AGBL4: variants seen among roughly 807,000 people sequenced by gnomAD.
The protein encoded by AGBL4 is cytosolic carboxypeptidase 6.
A neutral mutation model predicts 66.4 loss-of-function variants in AGBL4; 58 were observed. The observed-to-expected ratio is 0.87, with a 90% CI of 0.71 to 1.09. The LOEUF is 1.09. Among genes scored for constraint, AGBL4 ranks in the 50% least tolerant of loss-of-function variants. The probability of loss-of-function intolerance (pLI) is 0.00; values close to 1 mark genes in which losing one functional copy is unlikely to be tolerated. For synonymous variants in AGBL4, 234 were observed against 222.9 expected (o/e 1.05, Z -0.44); for missense variants, 579 against 631.0 (o/e 0.92, Z 0.88).
At chr1:48,577,934 A>G (rs1333056561) in intron 11 of AGBL4, among the ~76,000 whole-genome samples, 1 of 152,220 alleles carries the variant, frequency 6.6e-6, no homozygotes, top group Non-Finnish European at 1.5e-5. Context: ...CCTAACAGGC[A>G]GAGTGGAGCG....
At chr1:49,716,545 C>G (rs1000374475) in intron 2 of AGBL4, among the ~76,000 whole-genome samples, 1 of 151,756 alleles carries the variant, frequency 6.6e-6, no homozygotes, top group Admixed American at 6.6e-5. Context: ...ACTGGAAAAC[C>G]AAATCCACAA....
At chr1:49,775,612 T>C (rs1644175253) in intron 2 of AGBL4, among the ~76,000 whole-genome samples, 1 of 152,100 alleles carries the variant, frequency 6.6e-6, no homozygotes, top group Non-Finnish European at 1.5e-5. Flanking sequence ...TTATTTTGCC[T>C]TAAATTATAA....
intron 6 of AGBL4, among the ~76,000 whole-genome samples, chr1:48,710,017 C>T (rs556956220): frequency 1.3e-5 from 2 of 152,288 alleles, no homozygotes; most frequent in East Asian, 3.9e-4. Context: ...ACCAGAGGCA[C>T]AGAGAGATTA....
At position 48,847,580 on chromosome 1, in the gene AGBL4, G is replaced by A. The variant is rs150091464; in HGVS notation, c.634+19611C>T. 7.3e-3 allele frequency among the ~76,000 whole-genome samples: 1,116 copies of A among 152,170 alleles called. 14 individuals are homozygous for A. The highest frequency in any genetic ancestry group is 0.025 in the African/African-American group (1,020 of 41,506). Reference sequence around the variant, plus strand: ...GCAACTAGGATTTAGACAATAAAACGTATAGTACCTAGCAGAGTAAAGTAC... The same window carrying A: ...GCAACTAGGATTTAGACAATAAAACATATAGTACCTAGCAGAGTAAAGTAC... On this transcript the variant is annotated intron_variant, in intron 6 of 13. Coordinates refer to ENST00000371839, the MANE Select transcript of AGBL4 (RefSeq NM_032785.4).
chr1:49,395,810 TGTATAC>T (rs1225173667), intron 3 of AGBL4, among the ~76,000 whole-genome samples: 3 of 125,510 alleles, frequency 2.4e-5, no homozygotes, highest in Non-Finnish European at 4.9e-5. Context: ...CATATATATA[TGTATAC>T]ATATATATAT....
At chr1:49,643,161 G>T (rs958561624) in intron 3 of AGBL4, among the ~76,000 whole-genome samples, 2 of 151,850 alleles carry the variant, frequency 1.3e-5, no homozygotes, top group Non-Finnish European at 2.9e-5. Flanking sequence ...AAATTACAAT[G>T]CCTGAGATAA....
At chr1:49,560,089 C>T (rs537789803) in intron 3 of AGBL4, among the ~76,000 whole-genome samples, 1 of 152,202 alleles carries the variant, frequency 6.6e-6, no homozygotes, top group Admixed American at 6.5e-5. Flanking sequence ...CATCTACCAG[C>T]ATCAGCACCA....
chr1:48,800,174 A>T (rs1197409536), intron 6 of AGBL4, among the ~76,000 whole-genome samples: 1 of 151,940 alleles, frequency 6.6e-6, no homozygotes, highest in African/African-American at 2.4e-5. Flanking sequence ...TTTCAATCTC[A>T]CCATTTGTTA....
chr1:49,957,291 T>C (rs1205787282), intron 1 of AGBL4, among the ~76,000 whole-genome samples: 2 of 152,080 alleles, frequency 1.3e-5, no homozygotes, highest in Admixed American at 6.6e-5. Context: ...ATGTGGTCAA[T>C]TTTGGAATAA....
At chr1:49,016,058 C>A (rs1473346784) in intron 5 of AGBL4, among the ~76,000 whole-genome samples, 1 of 152,092 alleles carries the variant, frequency 6.6e-6, no homozygotes, top group Non-Finnish European at 1.5e-5. Flanking sequence ...CCACAAGATT[C>A]AAAAAGTGAG....
At chr1:49,414,396 A>C (rs988812271) in intron 3 of AGBL4, among the ~76,000 whole-genome samples, 2 of 152,172 alleles carry the variant, frequency 1.3e-5, no homozygotes, top group Non-Finnish European at 2.9e-5. Context: ...AATACCAATA[A>C]ATGGACCATA....
At chr1:49,787,058 T>A (rs1038198014) in intron 2 of AGBL4, among the ~76,000 whole-genome samples, 14 of 152,160 alleles carry the variant, frequency 9.2e-5, no homozygotes, top group Non-Finnish European at 1.6e-4. Context: ...ACACGCTCCC[T>A]AAGTCCCCCC....
chr1:49,371,286 T>TACATACATACATACAC (rs1491563540), intron 3 of AGBL4, among the ~76,000 whole-genome samples: 47 of 145,824 alleles, frequency 3.2e-4, no homozygotes, highest in African/African-American at 1.2e-3. Context: ...CATACATACA[T>TACATACATACATACAC]ACACACACAC....
intron 2 of AGBL4, among the ~76,000 whole-genome samples, chr1:49,789,253 T>C (rs1431913241): frequency 2.0e-5 from 3 of 152,182 alleles, no homozygotes; most frequent in Non-Finnish European, 4.4e-5. Context: ...CAGTATTTTA[T>C]TGAGGATTTT....
intron 5 of AGBL4, among the ~76,000 whole-genome samples, chr1:48,924,571 A>G (rs1654367583): frequency 6.6e-6 from 1 of 152,280 alleles, no homozygotes; most frequent in African/African-American, 2.4e-5. Context: ...TTGCATTTAG[A>G]CTGGGGATTT....
At chr1:49,821,144 T>G (rs1359201213) in intron 2 of AGBL4, among the ~76,000 whole-genome samples, 1 of 152,218 alleles carries the variant, frequency 6.6e-6, no homozygotes, top group Non-Finnish European at 1.5e-5. Flanking sequence ...CGGTCCAGTA[T>G]GCTTTTAAAA....
At chr1:48,581,834 G>A (rs1210495044) in intron 11 of AGBL4, among the ~76,000 whole-genome samples, 5 of 152,196 alleles carry the variant, frequency 3.3e-5, no homozygotes, top group Admixed American at 3.3e-4. Flanking sequence ...GTTCAGAGTG[G>A]TTAAATATGG....
At chr1:49,329,219 A>G (rs899007003) in intron 3 of AGBL4, among the ~76,000 whole-genome samples, 1 of 152,078 alleles carries the variant, frequency 6.6e-6, no homozygotes. Context: ...AGGCATGAGA[A>G]TCGCTTAAAC....
intron 3 of AGBL4, among the ~76,000 whole-genome samples, chr1:49,436,561 T>C (rs967159543): frequency 6.6e-6 from 1 of 152,102 alleles, no homozygotes; most frequent in African/African-American, 2.4e-5. Context: ...TAATAAAGGA[T>C]TTACTTTCAC....
Sources: allele counts gnomAD v4.1 joint callset (sites outside exome capture counted in the v4.1 genomes callset), GRCh38; gene constraint gnomAD v4.1.1; transcripts MANE v1.5; gene names NCBI Gene and HGNC (gene_info 2026-07-23, HGNC 2026-07-21).